Variants in PLCB1 observed in about 807,000 individuals in gnomAD.
PLCB1 encodes the protein phospholipase C beta 1.
PLCB1 carries 46 observed loss-of-function variants against 161.8 expected under a neutral mutation model. That is an observed-to-expected ratio of 0.28 (90% CI 0.22 to 0.36). PLCB1 has a LOEUF of 0.36. Among genes scored for constraint, PLCB1 ranks in the 10% least tolerant of loss-of-function variants. PLCB1 has a pLI of 1.00. For missense variants in PLCB1, 1,016 were observed against 1,472.5 expected (o/e 0.69, Z 5.07); for synonymous variants, 517 against 503.7 (o/e 1.03, Z -0.35).
intron 2 of PLCB1, among the ~76,000 whole-genome samples, chr20:8,273,349 G>A (rs891016745): frequency 6.6e-6 from 1 of 152,046 alleles, no homozygotes; most frequent in Admixed American, 6.6e-5. Context: ...TAAGTCTAAA[G>A]GTCTCGAAGT....
At chr20:8,203,776 C>G (rs191593768) in intron 2 of PLCB1, among the ~76,000 whole-genome samples, 2 of 152,244 alleles carry the variant, frequency 1.3e-5, no homozygotes, top group East Asian at 3.9e-4. Context: ...GAAGAGGCAA[C>G]AAAATAATAG....
chr20:8,527,760 A>G (rs1984639863), intron 3 of PLCB1, among the ~76,000 whole-genome samples: 1 of 152,082 alleles, frequency 6.6e-6, no homozygotes. Flanking sequence ...TATGCACATT[A>G]TTGTAATTAT....
At chr20:8,441,692 A>C (rs1349865754) in intron 3 of PLCB1, among the ~76,000 whole-genome samples, 2 of 152,200 alleles carry the variant, frequency 1.3e-5, no homozygotes, top group African/African-American at 2.4e-5. Context: ...ACGATCTCTC[A>C]GATATTGATC....
At chr20:8,803,854 C>T (rs1181653873) in intron 31 of PLCB1, among the ~76,000 whole-genome samples, 10 of 151,806 alleles carry the variant, frequency 6.6e-5, no homozygotes, top group South Asian at 2.1e-4. Flanking sequence ...AGTGGAATGG[C>T]GCAATCTCAG....
At chr20:8,563,211 AT>A (rs896839264) in intron 3 of PLCB1, among the ~76,000 whole-genome samples, 57 of 152,210 alleles carry the variant, frequency 3.7e-4, no homozygotes, top group African/African-American at 1.3e-3. Context: ...TTGCTTAAGA[AT>A]TAGGAGCAAG....
At chr20:8,778,100 T>C (rs1279611653) in intron 27 of PLCB1, among the ~76,000 whole-genome samples, 2 of 152,098 alleles carry the variant, frequency 1.3e-5, no homozygotes, top group Admixed American at 1.3e-4. Flanking sequence ...TATAATCATC[T>C]GGAGTTTCCC....
At chr20:8,201,482 G>C (rs1257896387) in intron 2 of PLCB1, among the ~76,000 whole-genome samples, 1 of 152,022 alleles carries the variant, frequency 6.6e-6, no homozygotes, top group Non-Finnish European at 1.5e-5. Context: ...GACAGCTGGG[G>C]TGCCCAAGAG....
intron 31 of PLCB1, among the ~76,000 whole-genome samples, chr20:8,828,465 G>T (rs1449429705): frequency 6.6e-6 from 1 of 152,136 alleles, no homozygotes; most frequent in Non-Finnish European, 1.5e-5. Context: ...TTTGCAGTGA[G>T]ACCCAAGCCA....
At chr20:8,513,004 C>A (rs528593434) in intron 3 of PLCB1, among the ~76,000 whole-genome samples, 1 of 152,190 alleles carries the variant, frequency 6.6e-6, no homozygotes, top group East Asian at 1.9e-4. Context: ...TCTACGAGTT[C>A]GAATTTTTAG....
At chr20:8,668,375 AGGG>A (rs1989866296) in intron 9 of PLCB1, among the ~76,000 whole-genome samples, 1 of 152,206 alleles carries the variant, frequency 6.6e-6, no homozygotes, top group Non-Finnish European at 1.5e-5. Context: ...TCTCCAAGCT[AGGG>A]ATAGCATTAT....
At chr20:8,142,592 GA>G (rs2051415481) in intron 1 of PLCB1, among the ~76,000 whole-genome samples, 1 of 152,040 alleles carries the variant, frequency 6.6e-6, no homozygotes, top group African/African-American at 2.4e-5. Flanking sequence ...CCTATTTTCT[GA>G]AAAATATGCT....
chr20:8,333,604 A>T (rs1407100797), intron 2 of PLCB1, among the ~76,000 whole-genome samples: 1 of 152,172 alleles, frequency 6.6e-6, no homozygotes, highest in African/African-American at 2.4e-5. Flanking sequence ...GAGGCCAGGG[A>T]TACTACTCAG....
At chr20:8,725,104 A>G (rs962374927) in intron 16 of PLCB1, among the ~76,000 whole-genome samples, 1 of 152,140 alleles carries the variant, frequency 6.6e-6, no homozygotes, top group Non-Finnish European at 1.5e-5. Context: ...TCTGTTACAT[A>G]AGTGATAATG....
At chr20:8,298,157 T>C (rs1240836437) in intron 2 of PLCB1, among the ~76,000 whole-genome samples, 1 of 151,798 alleles carries the variant, frequency 6.6e-6, no homozygotes, top group Non-Finnish European at 1.5e-5. Context: ...TATACAGATA[T>C]AGTGGTGCAC....
intron 2 of PLCB1, among the ~76,000 whole-genome samples, chr20:8,279,477 A>T (rs1982768522): frequency 6.6e-6 from 1 of 152,216 alleles, no homozygotes; most frequent in Admixed American, 6.5e-5. Context: ...TTATTATTTA[A>T]TGAGCACAGT....
intron 3 of PLCB1, among the ~76,000 whole-genome samples, chr20:8,414,147 A>C (rs1162381569): frequency 6.6e-6 from 1 of 152,196 alleles, no homozygotes; most frequent in Non-Finnish European, 1.5e-5. Context: ...AGACAAAAAA[A>C]AAAGAATCTG....
intron 2 of PLCB1, among the ~76,000 whole-genome samples, chr20:8,183,963 C>T (rs914329073): frequency 6.6e-6 from 1 of 151,990 alleles, no homozygotes; most frequent in Non-Finnish European, 1.5e-5. Context: ...TGCATTCTTC[C>T]ATCTTGAAAA....
intron 3 of PLCB1, among the ~76,000 whole-genome samples, chr20:8,577,012 A>G (rs1600164700): frequency 1.3e-5 from 2 of 152,188 alleles, no homozygotes; most frequent in African/African-American, 4.8e-5. Context: ...ATGAAAAGGG[A>G]GTAGAGAACC....
intron 3 of PLCB1, among the ~76,000 whole-genome samples, chr20:8,592,360 A>G (rs1207592542): frequency 6.6e-6 from 1 of 152,244 alleles, no homozygotes; most frequent in Non-Finnish European, 1.5e-5. Flanking sequence ...TTACCCATAG[A>G]GGTATCTGTA....
Sources: gnomAD v4.1 joint callset for allele counts (sites outside exome capture counted in the v4.1 genomes callset) on GRCh38, gnomAD v4.1.1 for gene constraint, MANE v1.5 for transcripts, NCBI Gene and HGNC (gene_info 2026-07-23, HGNC 2026-07-21) for gene names.